JPH3: variants seen among roughly 807,000 people sequenced by gnomAD.
JPH3 encodes junctophilin-3.
JPH3 carries 11 observed loss-of-function variants against 59.6 expected under a neutral mutation model. That is an observed-to-expected ratio of 0.18 (90% CI 0.12 to 0.31). The LOEUF (loss-of-function observed/expected upper bound fraction) is 0.31, where lower values mean the gene tolerates loss of function less well. Among genes scored for constraint, JPH3 ranks in the 10% least tolerant of loss-of-function variants. The pLI is 1.00. For missense variants in JPH3, 1,202 were observed against 1,105.7 expected, an observed-to-expected ratio of 1.09 and a Z score of -1.24; for synonymous variants, 673 against 483.6, an observed-to-expected ratio of 1.39 and a Z score of -5.14.
chr16:87,651,646 G>C (rs370782167), intron 2 of JPH3, among the ~76,000 whole-genome samples: 1 of 152,256 alleles, frequency 6.6e-6, no homozygotes, highest in Non-Finnish European at 1.5e-5. Flanking sequence ...AATTAGAAGC[G>C]GAGCCTGCCG....
Position 87,689,861 on chromosome 16 carries a change from T to A in JPH3, c.1501T>A (p.Phe501Ile), listed in dbSNP as rs1210290312. ...APAARNKVAHFSRQVSVDEER... is the reference protein window; with the variant it reads ...APAARNKVAHISRQVSVDEER... ...CGCCGCCAGGAACAAGGTCGCCCAC[T>A]TCTCGAGGCAGGTGTCGGTGGACGA... is the stretch of plus-strand genomic sequence containing the variant. The change falls in exon 4 of 5, where the codon TTC becomes ATC. Residue 501 changes from phenylalanine to isoleucine, a missense_variant. Phe to Ile is a conservative substitution (Grantham distance 21). Coordinates refer to ENST00000284262, the MANE Select transcript of JPH3 (RefSeq NM_020655.4). The A allele has an allele frequency of 4.7e-6, 7 of 1,505,174 alleles. No homozygotes were observed. In the Admixed American group the frequency reaches 8.5e-5, roughly 18 times the overall value. 93.2% of individuals were successfully genotyped at this position (1,505,174 alleles called of 1,614,324 possible). A position where few individuals can be genotyped will look rare whatever the true frequency, so the allele number is the denominator to read the frequency against.
intron 1 of JPH3, among the ~76,000 whole-genome samples, chr16:87,627,884 C>G (rs1371874921): frequency 1.3e-5 from 2 of 152,214 alleles, no homozygotes; most frequent in African/African-American, 4.8e-5. Flanking sequence ...ACCCTGCAGG[C>G]CACCCCGCCC....
At chr16:87,658,511 C>T (rs1423071785) in intron 2 of JPH3, among the ~76,000 whole-genome samples, 1 of 152,206 alleles carries the variant, frequency 6.6e-6, no homozygotes, top group East Asian at 1.9e-4. Context: ...TTCTCGTTCT[C>T]TGTCACTCCG....
chr16:87,645,567 G>A (rs1277350738), intron 2 of JPH3, among the ~76,000 whole-genome samples: 1 of 152,198 alleles, frequency 6.6e-6, no homozygotes, highest in Non-Finnish European at 1.5e-5. Flanking sequence ...GCTCATGCAG[G>A]CCTGGTGCTT....
At chr16:87,696,339 A>G (rs1040896109) in intron 4 of JPH3, 66 of 569,664 alleles carry the variant, frequency 1.2e-4, no homozygotes, top group African/African-American at 1.1e-3. Flanking sequence ...GGGAATTCCA[A>G]GGGAATTCCA....
In JPH3 at chr16:87,690,088, G is replaced by A; in HGVS notation, c.1728G>A (p.Thr576=). The change falls in exon 4 of 5, where the codon ACG becomes ACA. Residue 576 remains threonine, a synonymous_variant. Transcript: ENST00000284262. ...PGNPKPRERR[T]ESPPVFTWTS... is the part of the protein sequence containing the mutation. Reference sequence around the variant, plus strand: ...ACCCCAAGCCGCGGGAGCGGCGGACGGAGTCACCCCCCGTGTTCACGTGGA... The same window carrying A: ...ACCCCAAGCCGCGGGAGCGGCGGACAGAGTCACCCCCCGTGTTCACGTGGA... The A allele has an allele frequency of 3.2e-6, 5 of 1,567,918 alleles. No individual in the cohort carries two copies. Among genetic ancestry groups the A allele is most frequent in the African/African-American group, 2.7e-5 (2 of 73,410 alleles).
intron 1 of JPH3, among the ~76,000 whole-genome samples, chr16:87,620,844 A>C (rs1840925889): frequency 6.6e-6 from 1 of 152,140 alleles, no homozygotes; most frequent in African/African-American, 2.4e-5. Context: ...GTCTCTTGGA[A>C]CTGTTAGGAG....
intron 1 of JPH3, among the ~76,000 whole-genome samples, chr16:87,608,232 G>A (rs747251623): frequency 3.0e-4 from 45 of 152,226 alleles, no homozygotes; most frequent in Non-Finnish European, 5.7e-4. Context: ...GGGGGTGGGG[G>A]CAGGAGCCTC....
intron 1 of JPH3, among the ~76,000 whole-genome samples, chr16:87,637,455 G>C (rs1043171167): frequency 2.7e-5 from 4 of 149,940 alleles, no homozygotes; most frequent in African/African-American, 1.0e-4. Context: ...TTAAATGAAG[G>C]CTTGTGGTAC....
intron 4 of JPH3, chr16:87,696,341 G>A (rs2033852742): frequency 1.7e-6 from 1 of 576,288 alleles, no homozygotes; most frequent in Non-Finnish European, 3.1e-6. Context: ...GAATTCCAAG[G>A]GAATTCCAGG....
intron 2 of JPH3, among the ~76,000 whole-genome samples, chr16:87,666,202 C>T (rs921450181): frequency 1.3e-5 from 2 of 151,570 alleles, no homozygotes; most frequent in Non-Finnish European, 2.9e-5. Context: ...AGTTCTCCTG[C>T]CTCAGGCTCC....
intron 1 of JPH3, among the ~76,000 whole-genome samples, chr16:87,634,896 C>T (rs1254509794): frequency 1.3e-5 from 2 of 152,240 alleles, no homozygotes; most frequent in Admixed American, 6.5e-5. Context: ...AGCTGGGTGA[C>T]ACTGGGGTTA....
At chr16:87,622,824 G>A (rs1291956895) in intron 1 of JPH3, among the ~76,000 whole-genome samples, 1 of 152,156 alleles carries the variant, frequency 6.6e-6, no homozygotes, top group Non-Finnish European at 1.5e-5. Flanking sequence ...GGGCTGGGGG[G>A]CTGGGGAGGT....
rs2033522717 is a variant in JPH3, at chr16:87,690,009, G to A, written c.1649G>A (p.Gly550Asp). The stretch of plus-strand genomic sequence containing the variant: ...GTCCGCAGCGGTGCCCTGCGCGGCG[G>A]CCTGCTCGTGGATGACTTCCGCACC... ...RGVRSGALRG[G>D]LLVDDFRTRG... Residue 550 changes from glycine (G) to aspartate (D), a missense_variant, in exon 4 of 5, where the codon GGC becomes GAC. By Grantham distance (94) the Gly-to-Asp change is moderately conservative. Transcript: ENST00000284262. 6.6e-7 allele frequency: 1 copy of A among 1,517,490 alleles called. No individual in the cohort carries two copies. The highest frequency in any genetic ancestry group is 1.4e-5 in the African/African-American group (1 of 72,092). The allele number at this position is 1,517,490 out of a possible 1,614,324, so 94.0% of individuals were successfully genotyped here.
chr16:87,668,575 TC>T (rs2032935299), intron 2 of JPH3, among the ~76,000 whole-genome samples: 1 of 152,164 alleles, frequency 6.6e-6, no homozygotes, highest in Non-Finnish European at 1.5e-5. Context: ...AAATCACCTG[TC>T]CTTGCCAAGG....
chr16:87,668,156 C>G (rs772090202), intron 2 of JPH3, among the ~76,000 whole-genome samples: 3 of 152,230 alleles, frequency 2.0e-5, no homozygotes, highest in East Asian at 3.8e-4. Flanking sequence ...TTCCTCCTTC[C>G]TCTCCCTGCC....
chr16:87,626,385 C>T (rs765958463), intron 1 of JPH3, among the ~76,000 whole-genome samples: 2 of 152,212 alleles, frequency 1.3e-5, no homozygotes, highest in Non-Finnish European at 2.9e-5. Context: ...TCTCCGACCG[C>T]GAGTCCTCCA....
intron 1 of JPH3, among the ~76,000 whole-genome samples, chr16:87,617,642 A>C (rs1436373564): frequency 1.5e-5 from 1 of 68,168 alleles, no homozygotes; most frequent in South Asian, 5.8e-4. Flanking sequence ...CTGTGGAGGT[A>C]GGGGGGCTGC....
intron 2 of JPH3, among the ~76,000 whole-genome samples, chr16:87,647,880 A>C (rs1455232426): frequency 6.6e-6 from 1 of 152,224 alleles, no homozygotes; most frequent in African/African-American, 2.4e-5. Flanking sequence ...CTGGCGTCTC[A>C]CCCTTGCCTC....
Sources: gnomAD v4.1 joint callset for allele counts (sites outside exome capture counted in the v4.1 genomes callset) on GRCh38, gnomAD v4.1.1 for gene constraint, MANE v1.5 for transcripts, NCBI Gene and HGNC (gene_info 2026-07-23, HGNC 2026-07-21) for gene names.